RBFOX3: variants seen among roughly 807,000 people sequenced by gnomAD.
RBFOX3 encodes RNA binding fox-1 homolog 3.
In RBFOX3, 17 loss-of-function variants were observed where a neutral mutation model predicts 48.7. That is an observed-to-expected ratio of 0.35 (90% CI 0.24 to 0.52). The LOEUF (loss-of-function observed/expected upper bound fraction) is 0.52, where lower values mean the gene tolerates loss of function less well. RBFOX3 is among the 20% of genes least tolerant of loss of function. RBFOX3 has a pLI of 0.94. For synonymous variants in RBFOX3, 212 were observed against 209.5 expected, an observed-to-expected ratio of 1.01 and a Z score of -0.10; for missense variants, 382 against 497.5, an observed-to-expected ratio of 0.77 and a Z score of 2.21.
intron 4 of RBFOX3, among the ~76,000 whole-genome samples, chr17:79,233,128 G>A (rs577853957): frequency 7.2e-5 from 11 of 152,304 alleles, no homozygotes; most frequent in South Asian, 4.2e-4. Flanking sequence ...ATGAGTCAGC[G>A]CTTTGTAGCT....
intron 4 of RBFOX3, among the ~76,000 whole-genome samples, chr17:79,200,697 G>A (rs1340965470): frequency 4.6e-5 from 7 of 152,166 alleles, no homozygotes; most frequent in African/African-American, 7.2e-5. Context: ...GAACCCTGAC[G>A]TGAACTCAAT....
chr17:79,167,594 G>A (rs1013543072), intron 4 of RBFOX3, among the ~76,000 whole-genome samples: 1 of 152,186 alleles, frequency 6.6e-6, no homozygotes, highest in Non-Finnish European at 1.5e-5. Flanking sequence ...CCTGTCTTCT[G>A]GTCTGTCTCT....
At chr17:79,201,805 C>T (rs576537357) in intron 4 of RBFOX3, among the ~76,000 whole-genome samples, 4 of 152,320 alleles carry the variant, frequency 2.6e-5, no homozygotes, top group African/African-American at 9.6e-5. Flanking sequence ...CTCCTCCACA[C>T]TTCCCTGACT....
chr17:79,579,557 G>C (rs1016398742), intron 1 of RBFOX3, among the ~76,000 whole-genome samples: 20 of 152,104 alleles, frequency 1.3e-4, no homozygotes, highest in African/African-American at 4.8e-4. Flanking sequence ...CATCCAGCAC[G>C]CGCGAGTGAT....
intron 4 of RBFOX3, among the ~76,000 whole-genome samples, chr17:79,134,713 G>A (rs1430387916): frequency 6.6e-6 from 1 of 152,198 alleles, no homozygotes; most frequent in Non-Finnish European, 1.5e-5. Flanking sequence ...ACACCATGCA[G>A]GGGCACAGTT....
chr17:79,654,561 G>A, the RBFOX3 span, among the ~76,000 whole-genome samples: 1 of 152,110 alleles, frequency 6.6e-6, no homozygotes, highest in African/African-American at 2.4e-5. Flanking sequence ...AAATAGACAT[G>A]GGCACCAACC....
rs1280884707 is a variant in RBFOX3 at position 79,559,690 on chromosome 17, G to A, written c.-320+51136C>T. ...GGGTGGGTGGATGGATGAGTGGGTC[G>A]GTGGGTGGATGGATGGGTGGATGAT... On this transcript the variant is annotated intron_variant, in intron 1 of 14. Transcript: ENST00000693108. Among the ~76,000 whole-genome samples the A allele has an allele frequency of 9.5e-5, 14 of 146,760 alleles. 1 individual carries two copies. Among genetic ancestry groups the A allele is most frequent in the African/African-American group, 1.5e-4 (6 of 39,626 alleles).
rs2078627503 is a variant in RBFOX3 at position 79,480,525 on chromosome 17, A to T, written c.-175+1929T>A. 1.3e-5 allele frequency among the ~76,000 whole-genome samples: 2 copies of T among 152,096 alleles called. No homozygotes were observed. Among genetic ancestry groups the T allele is most frequent in the Admixed American group, 1.3e-4 (2 of 15,272 alleles). On this transcript the variant is annotated intron_variant, in intron 2 of 14. Transcript: ENST00000693108. This position sits in a 1 kb window ranked among gnomAD's most constrained non-coding sequence, Gnocchi z 4.8. ...GACAAAATCCAAAGTCCTCAGTCCC[A>T]ACCTAAAGGCCTCTGCATCCAGCCC... is the stretch of plus-strand genomic sequence containing the variant.
chr17:79,656,790 G>GA, the RBFOX3 span, among the ~76,000 whole-genome samples: 11 of 1,234 alleles, frequency 8.9e-3, no homozygotes, highest in Admixed American at 0.034. Context: ...AAGAAAGAAA[G>GA]AAAGAAAGAA....
rs1445915570 is a variant in RBFOX3 at position 79,568,824 on chromosome 17, AG to A, written c.-320+42001del. Among the ~76,000 whole-genome samples the A allele has an allele frequency of 2.7e-3, 417 of 152,196 alleles. 1 individual carries two copies. The highest frequency in any genetic ancestry group is 9.2e-3 in the African/African-American group (383 of 41,520). The stretch of plus-strand genomic sequence containing the variant: ...TCCTGTGTCCCACTCACCACCACCA[AG>A]GGCAAACTGGCCAGACCCCCAGGAC... On this transcript the variant is annotated intron_variant, in intron 1 of 14. Coordinates refer to ENST00000693108, the MANE Select transcript of RBFOX3 (RefSeq NM_001350451.2).
chr17:79,577,949 G>C (rs1311055565), intron 1 of RBFOX3, among the ~76,000 whole-genome samples: 2 of 152,264 alleles, frequency 1.3e-5, no homozygotes, highest in East Asian at 3.9e-4. Context: ...GGCCCGTGCA[G>C]ACCCAGCGTG....
chr17:79,325,529 G>A (rs1029972314), intron 2 of RBFOX3, among the ~76,000 whole-genome samples: 1 of 152,124 alleles, frequency 6.6e-6, no homozygotes, highest in African/African-American at 2.4e-5. Context: ...ACCCGATAGA[G>A]ACTTGTCCTT....
chr17:79,412,481 A>ATATG (rs1373596636), intron 2 of RBFOX3, among the ~76,000 whole-genome samples: 7 of 151,604 alleles, frequency 4.6e-5, no homozygotes, highest in African/African-American at 1.7e-4. Flanking sequence ...ACATATGCAC[A>ATATG]TATGTATACA....
intron 2 of RBFOX3, among the ~76,000 whole-genome samples, chr17:79,358,376 A>ACACT (rs1234170321): frequency 6.6e-6 from 1 of 152,182 alleles, no homozygotes; most frequent in Non-Finnish European, 1.5e-5. Flanking sequence ...CACCATCGGC[A>ACACT]CACTGCCCTC....
In RBFOX3 at chr17:79,097,985, C is replaced by G. The variant is rs931385609; in HGVS notation, c.569-240G>C. The G allele has an allele frequency of 1.1e-5, 6 of 549,982 alleles. No homozygotes were observed. In the East Asian group the frequency reaches 1.8e-4, roughly 17 times the overall value. The allele number at this position is 549,982 out of a possible 1,614,324, so 34.1% of individuals were successfully genotyped here. A position where few individuals can be genotyped will look rare whatever the true frequency, so the allele number is the denominator to read the frequency against. On this transcript the variant is annotated intron_variant, in intron 9 of 14. Coordinates refer to ENST00000693108, the MANE Select transcript of RBFOX3 (RefSeq NM_001350451.2). ...GCTAGGATTCTTTCCCAATTGTGAT[C>G]CTCCTCAGCCTGCCCCTGAGCAACC...
intron 4 of RBFOX3, among the ~76,000 whole-genome samples, chr17:79,192,798 G>A (rs1394766160): frequency 6.6e-6 from 1 of 152,170 alleles, no homozygotes; most frequent in Non-Finnish European, 1.5e-5. Context: ...GGTGGCCAGC[G>A]GCTAGCCCTG....
intron 2 of RBFOX3, among the ~76,000 whole-genome samples, chr17:79,415,611 G>A (rs577653650): frequency 1.2e-4 from 18 of 152,302 alleles, no homozygotes; most frequent in South Asian, 1.0e-3. Flanking sequence ...CCACCAGGGC[G>A]GGCAGCTAGA....
Position 79,311,077 on chromosome 17 carries a change from G to C in RBFOX3, c.-174-3253C>G, listed in dbSNP as rs933733112. Reference sequence around the variant, plus strand: ...TCCAGTCAGTCGAAAGGCTTCATCCGGTCAGTTAAAAGGCCTTAACAGCAA... The same window carrying C: ...TCCAGTCAGTCGAAAGGCTTCATCCCGTCAGTTAAAAGGCCTTAACAGCAA... On this transcript the variant is annotated intron_variant, in intron 2 of 14. Transcript: ENST00000693108. The surrounding 1 kb of genome is among the most constrained non-coding windows in gnomAD (Gnocchi z 4.2). Among the ~76,000 whole-genome samples, 1 of 152,086 alleles carries C rather than the reference G, an allele frequency of 6.6e-6. No individual in the cohort carries two copies. The highest frequency in any genetic ancestry group is 6.5e-5 in the Admixed American group (1 of 15,270).
At chr17:79,280,201 CCA>C (rs988402201) in intron 3 of RBFOX3, among the ~76,000 whole-genome samples, 6 of 149,484 alleles carry the variant, frequency 4.0e-5, no homozygotes, top group East Asian at 2.0e-4. Flanking sequence ...CTTATACACA[CCA>C]CACACTCACA....
Sources: gnomAD v4.1 joint callset for allele counts (sites outside exome capture counted in the v4.1 genomes callset) on GRCh38, gnomAD v4.1.1 for gene constraint, Gnocchi (gnomAD v3.1) non-coding constraint, MANE v1.5 for transcripts, NCBI Gene and HGNC (gene_info 2026-07-23, HGNC 2026-07-21) for gene names.